Variants in CTNNA2 observed in about 807,000 individuals in gnomAD.
CTNNA2 encodes the protein catenin alpha-2.
A neutral mutation model predicts 101.0 loss-of-function variants in CTNNA2; 42 were observed. That is an observed-to-expected ratio of 0.42 (90% CI 0.32 to 0.54). The LOEUF (loss-of-function observed/expected upper bound fraction) is 0.54. Ranked by LOEUF, CTNNA2 falls within the 20% of genes least tolerant of loss-of-function variation. The probability of loss-of-function intolerance (pLI) is 0.14; values close to 1 mark genes in which losing one functional copy is unlikely to be tolerated. For missense variants in CTNNA2, 871 were observed against 1,223.1 expected (o/e 0.71, Z 4.29); for synonymous variants, 450 against 456.4 (o/e 0.99, Z 0.18).
chr2:79,661,168 G>T (rs1195484329), intron 2 of CTNNA2, among the ~76,000 whole-genome samples: 1 of 152,026 alleles, frequency 6.6e-6, no homozygotes, highest in East Asian at 1.9e-4. Flanking sequence ...GTGCACCATG[G>T]TATCATTGCA....
At chr2:79,785,925 C>T (rs1674804116) in intron 3 of CTNNA2, among the ~76,000 whole-genome samples, 1 of 152,052 alleles carries the variant, frequency 6.6e-6, no homozygotes, top group Non-Finnish European at 1.5e-5. Context: ...ATGCTCTTCA[C>T]AATTGCTATA....
chr2:80,398,214 G>A (rs1315524109), intron 8 of CTNNA2, among the ~76,000 whole-genome samples: 1 of 152,166 alleles, frequency 6.6e-6, no homozygotes, highest in Non-Finnish European at 1.5e-5. Context: ...GAATGTTAAG[G>A]CGTTCTATTG....
At chr2:80,470,499 C>T (rs879491185) in intron 9 of CTNNA2, among the ~76,000 whole-genome samples, 19 of 152,070 alleles carry the variant, frequency 1.2e-4, no homozygotes, top group Admixed American at 1.0e-3. Flanking sequence ...AGTAAGCCTG[C>T]GGAAAACAGC....
intron 3 of CTNNA2, among the ~76,000 whole-genome samples, chr2:79,354,544 C>G (rs577778946): frequency 2.0e-5 from 3 of 152,238 alleles, no homozygotes; most frequent in African/African-American, 4.8e-5. Context: ...TTTGTTCTCT[C>G]TTAAAATAGC....
chr2:79,245,159 A>G (rs1032785283), intron 2 of CTNNA2, among the ~76,000 whole-genome samples: 3 of 151,902 alleles, frequency 2.0e-5, no homozygotes, highest in East Asian at 1.9e-4. Context: ...TCCTTAAAGA[A>G]ATGCATCAAG....
At chr2:80,578,536 G>A (rs112991765) in intron 13 of CTNNA2, among the ~76,000 whole-genome samples, 1,777 of 152,228 alleles carry the variant, frequency 0.012, 36 homozygotes, top group African/African-American at 0.039. Flanking sequence ...AGAATGCCAC[G>A]AGTAGGAGAC....
intron 6 of CTNNA2, among the ~76,000 whole-genome samples, chr2:79,903,989 G>A (rs922587175): frequency 2.6e-5 from 4 of 152,118 alleles, no homozygotes; most frequent in Non-Finnish European, 4.4e-5. Context: ...CTATGGCACC[G>A]TACATGTGAC....
chr2:79,724,185 C>T (rs2104879577), intron 2 of CTNNA2, among the ~76,000 whole-genome samples: 1 of 151,704 alleles, frequency 6.6e-6, no homozygotes, highest in Non-Finnish European at 1.5e-5. Flanking sequence ...AGTTGGTTTC[C>T]TTCAGGTTTT....
rs1677753458 is a variant in CTNNA2 at position 79,818,824 on chromosome 2, TATATATATATA to T, written c.299-39188_299-39178del. ...TACTTCAGGATCCAAAATGCAATTATATATATATATATATATATATATATGGATGTATGTGT... is the reference window on the plus strand; with the variant it reads ...TACTTCAGGATCCAAAATGCAATTATTATATATATATATGGATGTATGTGT... On this transcript the variant is annotated intron_variant, in intron 3 of 18. Coordinates refer to ENST00000402739, the MANE Select transcript of CTNNA2 (RefSeq NM_001282597.3). 6.0e-5 allele frequency among the ~76,000 whole-genome samples: 7 copies of T among 117,628 alleles called. 1 individual carries two copies. The highest frequency in any genetic ancestry group is 2.2e-4 in the African/African-American group (7 of 32,032). The allele number at this position is 117,628 out of a possible 152,430, so 77.2% of individuals were successfully genotyped here. A position where few individuals can be genotyped will look rare whatever the true frequency, so the allele number is the denominator to read the frequency against.
intron 9 of CTNNA2, among the ~76,000 whole-genome samples, chr2:80,529,374 A>ATT (rs1690323989): frequency 6.6e-6 from 1 of 152,216 alleles, no homozygotes; most frequent in Admixed American, 6.5e-5. Context: ...TACCAATGGA[A>ATT]AAGTATATCT....
chr2:80,560,067 A>AG (rs1218790937), intron 12 of CTNNA2, among the ~76,000 whole-genome samples: 1 of 107,392 alleles, frequency 9.3e-6, no homozygotes, highest in Non-Finnish European at 1.9e-5. Context: ...AAAAAAAAAA[A>AG]AAAAAGAAAA....
chr2:80,279,049 C>CGTGT (rs3219982), intron 7 of CTNNA2, among the ~76,000 whole-genome samples: 2,596 of 135,812 alleles, frequency 0.019, 87 homozygotes, highest in African/African-American at 0.063. Context: ...ATGACTTTTA[C>CGTGT]GTGTGTGTGT....
Position 80,640,099 on chromosome 2 carries a change from C to CA in CTNNA2, c.2575-7477dup, listed in dbSNP as rs534572617. On this transcript the variant is annotated intron_variant, in intron 18 of 18. Coordinates refer to ENST00000402739, the MANE Select transcript of CTNNA2 (RefSeq NM_001282597.3). Reference sequence around the variant, plus strand: ...CCTGGGTGACAGCGAGATAACATCTCAAAAAAAAACAAAAAAACAAAAAAG... The same window carrying CA: ...CCTGGGTGACAGCGAGATAACATCTCAAAAAAAAAACAAAAAAACAAAAAAG... Among the ~76,000 whole-genome samples the CA allele has an allele frequency of 8.5e-3, 1,229 of 145,426 alleles. 12 individuals carry two copies. The highest frequency in any genetic ancestry group is 0.025 in the African/African-American group (974 of 39,362).
intron 4 of CTNNA2, among the ~76,000 whole-genome samples, chr2:79,472,734 C>G (rs1404346232): frequency 1.3e-5 from 2 of 152,118 alleles, no homozygotes; most frequent in African/African-American, 4.8e-5. Flanking sequence ...TTTTGCGATA[C>G]AGATGGGCTG....
intron 13 of CTNNA2, chr2:80,576,494 A>G (rs1444177588): frequency 6.6e-6 from 1 of 151,868 alleles, no homozygotes; most frequent in Non-Finnish European, 1.5e-5. Context: ...GCAGACCAAC[A>G]TATAGTCATT....
At chr2:79,905,377 A>G (rs560893788) in intron 6 of CTNNA2, among the ~76,000 whole-genome samples, 2 of 152,322 alleles carry the variant, frequency 1.3e-5, no homozygotes, top group South Asian at 4.1e-4. Flanking sequence ...AAATGACTAA[A>G]TGAGCTTTAA....
chr2:80,485,384 A>C (rs1474711390), intron 9 of CTNNA2, among the ~76,000 whole-genome samples: 1 of 152,160 alleles, frequency 6.6e-6, no homozygotes, highest in Admixed American at 6.5e-5. Context: ...GGTTTCTCCG[A>C]ACCTCTCTGT....
intron 2 of CTNNA2, among the ~76,000 whole-genome samples, chr2:79,244,950 T>C (rs1390165284): frequency 6.6e-6 from 1 of 151,768 alleles, no homozygotes; most frequent in African/African-American, 2.4e-5. Context: ...CAAAAATTAG[T>C]TGGGCTTGGT....
intron 18 of CTNNA2, among the ~76,000 whole-genome samples, chr2:80,620,288 A>G (rs1670979430): frequency 6.6e-6 from 1 of 150,886 alleles, no homozygotes; most frequent in Non-Finnish European, 1.5e-5. Context: ...CTGGTTGGCT[A>G]GCCATGATGA....
Sources: allele counts gnomAD v4.1 joint callset (sites outside exome capture counted in the v4.1 genomes callset), GRCh38; gene constraint gnomAD v4.1.1; transcripts MANE v1.5; gene names NCBI Gene and HGNC (gene_info 2026-07-23, HGNC 2026-07-21).